Variants in PALLD observed in about 807,000 individuals in gnomAD.
PALLD encodes the protein palladin, cytoskeletal associated protein.
In PALLD, 61 loss-of-function variants were observed where a neutral mutation model predicts 123.5. The observed-to-expected ratio is 0.49, with a 90% CI of 0.40 to 0.61. The LOEUF (loss-of-function observed/expected upper bound fraction) is 0.61. PALLD is among the 20% of genes least tolerant of loss of function. PALLD has a pLI of 0.00. For missense variants in PALLD, 1,273 were observed against 1,377.0 expected (o/e 0.92, Z 1.20); for synonymous variants, 465 against 496.4 (o/e 0.94, Z 0.84).
intron 8 of PALLD, among the ~76,000 whole-genome samples, chr4:168,692,881 T>C (rs1186573368): frequency 6.6e-6 from 1 of 152,238 alleles, no homozygotes. Flanking sequence ...TTATCAAATG[T>C]AGGTTGGAAA....
intron 2 of PALLD, among the ~76,000 whole-genome samples, chr4:168,553,962 G>A (rs1195976007): frequency 6.6e-6 from 1 of 152,144 alleles, no homozygotes; most frequent in African/African-American, 2.4e-5. Context: ...TGTGACAACG[G>A]CGATTTTAAA....
At chr4:168,903,946 G>C (rs773008792) in intron 15 of PALLD, 40 bp downstream of exon 15, 4 of 1,560,570 alleles carry the variant, frequency 2.6e-6, no homozygotes, top group Non-Finnish European at 3.5e-6. Context: ...TCTGTGTCTA[G>C]TGCTTACAGG....
Position 168,683,068 on chromosome 4 carries a change from G to C in PALLD, c.1225G>C (p.Ala409Pro). The C allele has an allele frequency of 6.2e-7, 1 of 1,611,782 alleles. No individual in the cohort carries two copies. Among genetic ancestry groups the C allele is most frequent in the African/African-American group, 1.3e-5 (1 of 75,008 alleles). ...ATCTCCAAAGACAGGGGTGACCACA[G>C]CTGTGATTCAACCACTGTCTGTCCC... ...SSSPKTGVTT[A>P]VIQPLSVPVQ... Residue 409 changes from alanine to proline, a missense_variant, in exon 5 of 22, where the codon GCT becomes CCT. Transcript: ENST00000505667.
chr4:168,778,712 C>A (rs1735506936), intron 10 of PALLD, among the ~76,000 whole-genome samples: 1 of 152,242 alleles, frequency 6.6e-6, no homozygotes, highest in Non-Finnish European at 1.5e-5. Context: ...TCATTACTAT[C>A]TATATTTTAC....
intron 2 of PALLD, among the ~76,000 whole-genome samples, chr4:168,547,566 C>CAAAAAAAAAAAA (rs11339394): frequency 5.6e-5 from 4 of 70,922 alleles, no homozygotes; most frequent in Admixed American, 1.8e-4. Context: ...TAATAAAATA[C>CAAAAAAAAAAAA]AAAAAAAAAA....
At chr4:168,572,781 C>T (rs191509479) in intron 2 of PALLD, among the ~76,000 whole-genome samples, 2 of 151,818 alleles carry the variant, frequency 1.3e-5, no homozygotes, top group Admixed American at 1.3e-4. Flanking sequence ...TGGTCCAAGC[C>T]ATCCTTCCAC....
intron 10 of PALLD, among the ~76,000 whole-genome samples, chr4:168,732,574 A>G (rs993228335): frequency 2.0e-5 from 3 of 152,226 alleles, no homozygotes; most frequent in African/African-American, 7.2e-5. Flanking sequence ...ATAAACACAA[A>G]TATCTATAAG....
chr4:168,689,420 C>T (rs1782394779), intron 6 of PALLD, among the ~76,000 whole-genome samples: 1 of 132,914 alleles, frequency 7.5e-6, no homozygotes, highest in African/African-American at 2.8e-5. Flanking sequence ...ACCTTACATT[C>T]GATCCAATAT....
chr4:168,801,177 G>A (rs1005692870), intron 10 of PALLD, among the ~76,000 whole-genome samples: 1 of 152,160 alleles, frequency 6.6e-6, no homozygotes, highest in Non-Finnish European at 1.5e-5. Flanking sequence ...GGGGTATGAG[G>A]GGGAGGCACA....
chr4:168,795,003 C>A (rs1738276954), intron 10 of PALLD, among the ~76,000 whole-genome samples: 1 of 152,154 alleles, frequency 6.6e-6, no homozygotes, highest in South Asian at 2.1e-4. Context: ...TGAGGGTTGG[C>A]TTCCTGCTTC....
At chr4:168,697,960 A>G (rs1444814791) in intron 8 of PALLD, among the ~76,000 whole-genome samples, 1 of 152,234 alleles carries the variant, frequency 6.6e-6, no homozygotes, top group Non-Finnish European at 1.5e-5. Flanking sequence ...AAGATTTGGA[A>G]GCAACCTAAG....
At chr4:168,657,442 A>C (rs1225095253) in intron 2 of PALLD, among the ~76,000 whole-genome samples, 1 of 152,182 alleles carries the variant, frequency 6.6e-6, no homozygotes, top group Non-Finnish European at 1.5e-5. Context: ...TATAACCCCA[A>C]ATGAGAGACT....
Position 168,804,266 on chromosome 4 carries a change from G to A in PALLD, c.1965-86656G>A, listed in dbSNP as rs1196526711. Among the ~76,000 whole-genome samples the A allele has an allele frequency of 2.6e-5, 4 of 152,296 alleles. No homozygotes were observed. In the East Asian group the frequency reaches 7.7e-4, roughly 29 times the overall value. On this transcript the variant is annotated intron_variant, in intron 10 of 21. Coordinates refer to ENST00000505667, the MANE Select transcript of PALLD (RefSeq NM_001166108.2). ...CAGCACTTCACAACTCATTAGTGAG[G>A]CCCCTGGGATATGGCTCCATATATT... is the stretch of plus-strand genomic sequence containing the variant.
chr4:168,804,753 T>G (rs913133676), intron 10 of PALLD, among the ~76,000 whole-genome samples: 1 of 152,234 alleles, frequency 6.6e-6, no homozygotes, highest in Non-Finnish European at 1.5e-5. Flanking sequence ...GTCAATGTCC[T>G]AAAAGAAATT....
At chr4:168,829,009 T>C (rs1743817674) in intron 10 of PALLD, 1 of 152,248 alleles carries the variant, frequency 6.6e-6, no homozygotes, top group African/African-American at 2.4e-5. Flanking sequence ...GAATCTTCAG[T>C]GTTCAGAGGA....
At chr4:168,525,563 A>G (rs764034902) in intron 2 of PALLD, among the ~76,000 whole-genome samples, 1 of 152,190 alleles carries the variant, frequency 6.6e-6, no homozygotes, top group African/African-American at 2.4e-5. Context: ...AAATATCTTG[A>G]CCAATTCATT....
chr4:168,597,524 A>C (rs1392886475), intron 2 of PALLD, among the ~76,000 whole-genome samples: 1 of 152,106 alleles, frequency 6.6e-6, no homozygotes, highest in African/African-American at 2.4e-5. Context: ...TGCCTGGCAT[A>C]GCTCTCTACT....
Position 168,844,967 on chromosome 4 carries a change from A to G in PALLD, c.1965-45955A>G, listed in dbSNP as rs940178804. Among the ~76,000 whole-genome samples the G allele has an allele frequency of 2.0e-5, 3 of 152,186 alleles. No individual in the cohort carries two copies. The highest frequency in any genetic ancestry group is 7.2e-5 in the African/African-American group (3 of 41,454). The stretch of plus-strand genomic sequence containing the variant: ...AGTGTCCTCTGAGGAGGGACTGACC[A>G]GCTCTGCCTGGGGGAGTAAGGAGAA... On this transcript the variant is annotated intron_variant, in intron 10 of 21. Coordinates refer to ENST00000505667, the MANE Select transcript of PALLD (RefSeq NM_001166108.2). This position sits in a 1 kb window ranked among gnomAD's most constrained non-coding sequence, Gnocchi z 4.5.
intron 5 of PALLD, among the ~76,000 whole-genome samples, chr4:168,685,033 C>T (rs959291583): frequency 5.3e-5 from 8 of 152,004 alleles, no homozygotes; most frequent in Non-Finnish European, 8.8e-5. Flanking sequence ...TCCCATAATC[C>T]CTATATCAAA....
Sources: gnomAD v4.1 joint callset for allele counts (sites outside exome capture counted in the v4.1 genomes callset) on GRCh38, gnomAD v4.1.1 for gene constraint, Gnocchi (gnomAD v3.1) non-coding constraint, MANE v1.5 for transcripts, NCBI Gene and HGNC (gene_info 2026-07-23, HGNC 2026-07-21) for gene names.